The following GRIK2 variants were observed in gnomAD, a reference collection of about 807,000 sequenced individuals.
GRIK2 encodes glutamate ionotropic receptor kainate type subunit 2, also known as glutamate receptor ionotropic, kainate 2.
In GRIK2, 32 loss-of-function variants were observed where a neutral mutation model predicts 100.3. The observed-to-expected ratio is 0.32, with a 90% CI of 0.24 to 0.43. The LOEUF is 0.43. Among genes scored for constraint, GRIK2 ranks in the 20% least tolerant of loss-of-function variants. The probability of loss-of-function intolerance (pLI) is 1.00; values close to 1 mark genes in which losing one functional copy is unlikely to be tolerated. For synonymous variants in GRIK2, 417 were observed against 389.4 expected (o/e 1.07, Z -0.83); for missense variants, 843 against 1,114.9 (o/e 0.76, Z 3.47).
chr6:101,995,701 GGTGT>G (rs1164378766), intron 14 of GRIK2, among the ~76,000 whole-genome samples: 4 of 151,632 alleles, frequency 2.6e-5, no homozygotes, highest in Non-Finnish European at 5.9e-5. Flanking sequence ...GATGTGATGG[GGTGT>G]GTATGTGTGT....
At chr6:101,922,100 C>CAT (rs377645329) in intron 12 of GRIK2, among the ~76,000 whole-genome samples, 3 of 24,094 alleles carry the variant, frequency 1.2e-4, no homozygotes, top group Admixed American at 4.1e-4. Flanking sequence ...TCCTTCCTTC[C>CAT]TTCCTTCCTT....
At chr6:101,596,676 T>C (rs1253411136) in intron 2 of GRIK2, among the ~76,000 whole-genome samples, 2 of 151,628 alleles carry the variant, frequency 1.3e-5, no homozygotes, top group African/African-American at 4.8e-5. Context: ...AAAGTAATCA[T>C]AAAAACCCTT....
chr6:101,489,106 T>A (rs528614829), intron 2 of GRIK2, among the ~76,000 whole-genome samples: 1 of 146,754 alleles, frequency 6.8e-6, no homozygotes, highest in East Asian at 1.9e-4. Context: ...TAAACCTACT[T>A]CTAGAATACC....
intron 6 of GRIK2, among the ~76,000 whole-genome samples, chr6:101,683,556 T>G (rs1346928153): frequency 1.3e-5 from 2 of 152,196 alleles, no homozygotes; most frequent in African/African-American, 2.4e-5. Flanking sequence ...GTCTCTTTAC[T>G]AATTCTTTCT....
intron 2 of GRIK2, among the ~76,000 whole-genome samples, chr6:101,444,317 T>C (rs1223029197): frequency 1.3e-5 from 2 of 152,128 alleles, no homozygotes; most frequent in Non-Finnish European, 1.5e-5. Context: ...GTTGCTCTTG[T>C]ATTTATTCAT....
intron 2 of GRIK2, chr6:101,430,867 C>G (rs1006836533): frequency 8.9e-6 from 3 of 337,420 alleles, no homozygotes; most frequent in South Asian, 3.4e-5. Flanking sequence ...CGCACTATCT[C>G]CCACTAGGCA....
Position 101,963,647 on chromosome 6 carries a change from C to T in GRIK2, c.2085+35015C>T, listed in dbSNP as rs538515017. On this transcript the variant is annotated intron_variant, in intron 14 of 16. Transcript: ENST00000369134. ...GATTACAGGCGTGAGCCACCGCGCC[C>T]GGCCACTTATTTAGTTTAATATAGA... 7.9e-5 allele frequency among the ~76,000 whole-genome samples: 12 copies of T among 151,490 alleles called. No individual in the cohort carries two copies. In the South Asian group the frequency reaches 1.0e-3, roughly 13 times the overall value.
At chr6:102,047,384 T>G (rs1051095783) in intron 15 of GRIK2, among the ~76,000 whole-genome samples, 11 of 152,054 alleles carry the variant, frequency 7.2e-5, no homozygotes, top group African/African-American at 2.4e-4. Flanking sequence ...AAAGCATTAC[T>G]GAAAGAGATT....
At chr6:101,673,818 A>G (rs1770617193) in intron 4 of GRIK2, among the ~76,000 whole-genome samples, 1 of 152,126 alleles carries the variant, frequency 6.6e-6, no homozygotes, top group Non-Finnish European at 1.5e-5. Context: ...TACTTTTAGT[A>G]TTGTATGCAC....
intron 14 of GRIK2, among the ~76,000 whole-genome samples, chr6:101,931,379 G>T (rs1360173931): frequency 6.6e-6 from 1 of 152,008 alleles, no homozygotes; most frequent in Non-Finnish European, 1.5e-5. Context: ...TCTCTATCTT[G>T]TTTTTACTAA....
chr6:101,581,437 G>A (rs952367584), intron 2 of GRIK2, among the ~76,000 whole-genome samples: 2 of 152,040 alleles, frequency 1.3e-5, no homozygotes, highest in Admixed American at 6.6e-5. Context: ...AGAACTTGGT[G>A]TCCAGTGTTT....
chr6:101,559,355 C>G (rs1776892025), intron 2 of GRIK2, among the ~76,000 whole-genome samples: 1 of 152,058 alleles, frequency 6.6e-6, no homozygotes, highest in Admixed American at 6.6e-5. Flanking sequence ...GACTGAAGCT[C>G]TCTATAATCT....
chr6:101,626,760 G>T (rs1345705593), intron 4 of GRIK2, 123 bp downstream of exon 4: 3 of 766,774 alleles, frequency 3.9e-6, no homozygotes, highest in African/African-American at 3.5e-5. Flanking sequence ...CAGCTAAGGG[G>T]TAGAAAGACA....
At chr6:101,915,605 A>G (rs1789050792) in intron 12 of GRIK2, among the ~76,000 whole-genome samples, 1 of 151,404 alleles carries the variant, frequency 6.6e-6, no homozygotes, top group Non-Finnish European at 1.5e-5. Flanking sequence ...GCACAGACGA[A>G]ACTTCAGGGT....
At chr6:101,942,159 G>A (rs1790995927) in intron 14 of GRIK2, among the ~76,000 whole-genome samples, 2 of 152,070 alleles carry the variant, frequency 1.3e-5, no homozygotes, top group South Asian at 2.1e-4. Flanking sequence ...TCCTTGATGT[G>A]ATTTGGCTCT....
intron 2 of GRIK2, among the ~76,000 whole-genome samples, chr6:101,438,825 G>T (rs1890278): frequency 6.6e-6 from 1 of 152,046 alleles, no homozygotes; most frequent in Non-Finnish European, 1.5e-5. Context: ...GATGACAATT[G>T]AATTCCTGAG....
At chr6:101,427,817 C>T (rs896049916) in intron 2 of GRIK2, among the ~76,000 whole-genome samples, 1 of 152,086 alleles carries the variant, frequency 6.6e-6, no homozygotes, top group African/African-American at 2.4e-5. Flanking sequence ...TGCCATTTAT[C>T]CATTCATTTA....
At chr6:101,459,672 G>T (rs1039121081) in intron 2 of GRIK2, among the ~76,000 whole-genome samples, 1 of 152,146 alleles carries the variant, frequency 6.6e-6, no homozygotes, top group Non-Finnish European at 1.5e-5. Context: ...ACCATTCATG[G>T]TGGCTAACGA....
chr6:101,536,278 A>AG (rs1288535989), intron 2 of GRIK2, among the ~76,000 whole-genome samples: 1 of 151,740 alleles, frequency 6.6e-6, no homozygotes, highest in African/African-American at 2.4e-5. Context: ...CGTCTTAGAT[A>AG]GAAGGCTATT....
Sources: allele counts gnomAD v4.1 joint callset (sites outside exome capture counted in the v4.1 genomes callset), GRCh38; gene constraint gnomAD v4.1.1; transcripts MANE v1.5; gene names NCBI Gene and HGNC (gene_info 2026-07-23, HGNC 2026-07-21).